The following P3H2 variants were observed in gnomAD, a reference collection of about 807,000 sequenced individuals.
The protein encoded by P3H2 is leprecan-like 1.
A neutral mutation model predicts 87.0 loss-of-function variants in P3H2; 80 were observed. The ratio of observed to expected loss-of-function variants is 0.92; its 90% CI spans 0.77 to 1.11. The LOEUF (loss-of-function observed/expected upper bound fraction) is 1.11, where lower values mean the gene tolerates loss of function less well. Ranked by LOEUF, P3H2 falls within the 50% of genes least tolerant of loss-of-function variation. The probability of loss-of-function intolerance (pLI) is 0.00; values close to 1 mark genes in which losing one functional copy is unlikely to be tolerated. For synonymous variants in P3H2, 367 were observed against 359.3 expected, an observed-to-expected ratio of 1.02 and a Z score of -0.24; for missense variants, 1,001 against 923.9, an observed-to-expected ratio of 1.08 and a Z score of -1.08.
chr3:189,994,435 T>G, intron 2 of P3H2, 152 bp from the exon 3 acceptor site: 1 of 654,146 alleles, frequency 1.5e-6, no homozygotes. Context: ...AAAGAAGGGT[T>G]GCACTGGGAG....
At chr3:189,973,284 CCTT>C in intron 10 of P3H2, 1 of 440,288 alleles carries the variant, frequency 2.3e-6, no homozygotes, top group East Asian at 3.9e-5. Flanking sequence ...CTCTAACAAC[CCTT>C]CCTGCAGTAG....
intron 14 of P3H2, among the ~76,000 whole-genome samples, chr3:189,960,841 G>T (rs1200095495): frequency 6.6e-6 from 1 of 151,980 alleles, no homozygotes; most frequent in South Asian, 2.1e-4. Context: ...TTTACAAAAA[G>T]GCAACTAAAA....
In P3H2 at chr3:189,973,037, A is replaced by C. The variant is rs2278759; in HGVS notation, c.1549-13T>G. ...CTTCATAACCAGACTGAAAAAAAAA[A>C]ACAAAACATGAGAAACAAATGGGTT... On this transcript the variant is annotated splice_polypyrimidine_tract_variant and intron_variant, in intron 10 of 14. Transcript: ENST00000319332. 3.7e-5 allele frequency: 59 copies of C among 1,601,302 alleles called. No homozygotes were observed. The highest frequency in any genetic ancestry group is 3.2e-4 in the East Asian group (14 of 44,318).
chr3:190,038,544 T>G (rs1440112863), intron 1 of P3H2, among the ~76,000 whole-genome samples: 1 of 118,208 alleles, frequency 8.5e-6, no homozygotes, highest in Non-Finnish European at 1.9e-5. Flanking sequence ...AAAAGTCACA[T>G]AAAATAAAAG....
chr3:190,079,388 T>TAAA (rs1726973695), intron 1 of P3H2, among the ~76,000 whole-genome samples: 1 of 141,666 alleles, frequency 7.1e-6, no homozygotes, highest in Non-Finnish European at 1.6e-5. Context: ...AAATAAATAA[T>TAAA]CCTTATCTGT....
chr3:189,994,414 T>C, intron 2 of P3H2, 131 bp from the exon 3 acceptor site: 1 of 704,760 alleles, frequency 1.4e-6, no homozygotes, highest in Non-Finnish European at 2.4e-6. Flanking sequence ...ATGCTTCTGC[T>C]GCGGAGGGAT....
intron 13 of P3H2, among the ~76,000 whole-genome samples, chr3:189,968,128 T>C (rs1355761974): frequency 6.6e-6 from 1 of 152,198 alleles, no homozygotes; most frequent in Non-Finnish European, 1.5e-5. Context: ...TTATTATTAT[T>C]ATACTTTTAA....
At chr3:190,049,309 T>C (rs1453519606) in intron 1 of P3H2, among the ~76,000 whole-genome samples, 1 of 152,046 alleles carries the variant, frequency 6.6e-6, no homozygotes, top group East Asian at 1.9e-4. Context: ...CTGTGCACGG[T>C]GCTTGCACAT....
At chr3:190,052,502 T>C (rs544718290) in intron 1 of P3H2, among the ~76,000 whole-genome samples, 3 of 152,172 alleles carry the variant, frequency 2.0e-5, no homozygotes, top group Non-Finnish European at 2.9e-5. Context: ...TACAGAGTAA[T>C]AGTTTTAGCT....
At chr3:190,055,773 T>C (rs1301263772) in intron 1 of P3H2, among the ~76,000 whole-genome samples, 1 of 152,200 alleles carries the variant, frequency 6.6e-6, no homozygotes, top group East Asian at 1.9e-4. Flanking sequence ...GCTCTTCTGA[T>C]TTATATTTTT....
At chr3:189,973,501 TTCTTTCTTTC>T (rs1723240848) in intron 10 of P3H2, among the ~76,000 whole-genome samples, 4 of 62,776 alleles carry the variant, frequency 6.4e-5, no homozygotes, top group African/African-American at 1.3e-4. Flanking sequence ...TTTTCTTTCT[TTCTTTCTTTC>T]TTTTTTTTTT....
At chr3:189,961,231 G>A (rs1464250199) in intron 14 of P3H2, among the ~76,000 whole-genome samples, 2 of 152,232 alleles carry the variant, frequency 1.3e-5, no homozygotes, top group South Asian at 2.1e-4. Flanking sequence ...CTGAGCCACC[G>A]TGCCCGGCCA....
rs573785279 is a variant in P3H2, at chr3:190,114,322, T to C, written c.480+5930A>G. On this transcript the variant is annotated intron_variant, in intron 1 of 14. Transcript: ENST00000319332. ...CCTCAGCCTCCCGAGTAGCTGGGAC[T>C]ACAGGCGCCTGCCACCACGCCCGCC... Among the ~76,000 whole-genome samples the C allele has an allele frequency of 1.5e-4, 22 of 150,844 alleles. No individual in the cohort carries two copies. In the East Asian group the frequency reaches 4.4e-3, roughly 30 times the overall value.
At chr3:189,959,893 T>G (rs1253099134) in intron 14 of P3H2, among the ~76,000 whole-genome samples, 2 of 149,958 alleles carry the variant, frequency 1.3e-5, no homozygotes, top group African/African-American at 2.5e-5. Flanking sequence ...TGTGTGTGTG[T>G]GTGTGTGTGT....
intron 1 of P3H2, among the ~76,000 whole-genome samples, chr3:190,060,026 G>C (rs937107128): frequency 8.6e-5 from 13 of 152,040 alleles, no homozygotes; most frequent in African/African-American, 3.1e-4. Flanking sequence ...TCTAAAAATG[G>C]CTTTATCTAA....
chr3:190,097,688 G>A (rs16865048), intron 1 of P3H2, among the ~76,000 whole-genome samples: 11,740 of 151,568 alleles, frequency 0.077, 645 homozygotes, highest in African/African-American at 0.15. Flanking sequence ...TTTGGCAGTG[G>A]ATATTATCAT....
At chr3:190,113,525 T>G (rs1056290401) in intron 1 of P3H2, among the ~76,000 whole-genome samples, 1 of 151,520 alleles carries the variant, frequency 6.6e-6, no homozygotes, top group African/African-American at 2.5e-5. Context: ...ATCCACAGTT[T>G]ACTTAATTCC....
intron 1 of P3H2, among the ~76,000 whole-genome samples, chr3:190,094,397 C>A (rs761058291): frequency 2.0e-5 from 3 of 152,218 alleles, no homozygotes; most frequent in Non-Finnish European, 1.5e-5. Flanking sequence ...TATCTGATGT[C>A]CTTGAATTCT....
At chr3:190,036,485 C>CAAGCTTCATCCCACAGAT (rs11267458) in intron 1 of P3H2, among the ~76,000 whole-genome samples, 121,986 of 151,680 alleles carry the variant, frequency 0.8, 49,113 homozygotes, top group East Asian at 0.86. Flanking sequence ...TTATAGTCGA[C>CAAGCTTCATCCCACAGAT]ATGATAATTT....
Sources: gnomAD v4.1 joint callset for allele counts (sites outside exome capture counted in the v4.1 genomes callset) on GRCh38, gnomAD v4.1.1 for gene constraint, MANE v1.5 for transcripts, NCBI Gene and HGNC (gene_info 2026-07-23, HGNC 2026-07-21) for gene names.